LAMC1: variants seen among roughly 807,000 people sequenced by gnomAD.
The protein encoded by LAMC1 is laminin subunit gamma 1, also known as laminin subunit gamma-1.
Under a neutral mutation model 173.6 loss-of-function variants are expected in LAMC1, and 38 were observed. The ratio of observed to expected loss-of-function variants is 0.22; its 90% confidence interval spans 0.17 to 0.29. The LOEUF is 0.29. LAMC1 is among the 10% of genes least tolerant of loss of function. LAMC1 has a pLI of 1.00. For synonymous variants in LAMC1, 746 were observed against 749.1 expected (o/e 1.00, Z 0.07); for missense variants, 1,824 against 2,051.8 (o/e 0.89, Z 2.14).
At chr1:183,037,683 T>C (rs984635443) in intron 1 of LAMC1, among the ~76,000 whole-genome samples, 1 of 152,186 alleles carries the variant, frequency 6.6e-6, no homozygotes, top group Non-Finnish European at 1.5e-5. Context: ...CCTTTTCTCT[T>C]TAGTTTCCCC....
chr1:183,054,988 CTTTTTTTT>C (rs34723564), intron 1 of LAMC1, among the ~76,000 whole-genome samples: 1 of 130,804 alleles, frequency 7.6e-6, no homozygotes, highest in Non-Finnish European at 1.6e-5. Context: ...CTTTGTGCAT[CTTTTTTTT>C]TTTTTTTTTG....
chr1:183,065,137 A>G (rs1654845186), intron 1 of LAMC1, among the ~76,000 whole-genome samples: 1 of 152,112 alleles, frequency 6.6e-6, no homozygotes, highest in Admixed American at 6.5e-5. Flanking sequence ...GACCTGCTGT[A>G]TTTGTGTATC....
intron 1 of LAMC1, among the ~76,000 whole-genome samples, chr1:183,044,525 G>C (rs1178106542): frequency 1.3e-5 from 2 of 152,056 alleles, no homozygotes; most frequent in Non-Finnish European, 2.9e-5. Context: ...CTCTTTTGAT[G>C]AATCAGAAGA....
chr1:183,097,477 A>C (rs1395617660), intron 1 of LAMC1, among the ~76,000 whole-genome samples: 3 of 152,172 alleles, frequency 2.0e-5, no homozygotes, highest in Non-Finnish European at 4.4e-5. Flanking sequence ...ATTTTGTAAA[A>C]TTCTATATGG....
chr1:183,102,614 CTG>C (rs1655863823), intron 1 of LAMC1, among the ~76,000 whole-genome samples: 1 of 152,256 alleles, frequency 6.6e-6, no homozygotes, highest in African/African-American at 2.4e-5. Context: ...CCAGTGACTG[CTG>C]TCTTTTCCTC....
intron 1 of LAMC1, among the ~76,000 whole-genome samples, chr1:183,064,871 G>A (rs1339195728): frequency 6.6e-6 from 1 of 152,158 alleles, no homozygotes; most frequent in East Asian, 1.9e-4. Context: ...TATCCCAGCA[G>A]CTCAGGAACC....
chr1:183,093,980 G>C (rs936698562), intron 1 of LAMC1, among the ~76,000 whole-genome samples: 1 of 152,142 alleles, frequency 6.6e-6, no homozygotes, highest in Non-Finnish European at 1.5e-5. Context: ...ATGCTAGTTA[G>C]AGCCTGTTAC....
intron 1 of LAMC1, among the ~76,000 whole-genome samples, chr1:183,073,291 G>A (rs1282756099): frequency 6.6e-6 from 1 of 152,180 alleles, no homozygotes; most frequent in Non-Finnish European, 1.5e-5. Context: ...AACAAAATAG[G>A]TAGGGATTTC....
intron 1 of LAMC1, among the ~76,000 whole-genome samples, chr1:183,077,092 T>G (rs1302898833): frequency 6.6e-6 from 1 of 152,208 alleles, no homozygotes; most frequent in Non-Finnish European, 1.5e-5. Context: ...TGTGGGTTGC[T>G]TTTGTCTAAT....
intron 1 of LAMC1, among the ~76,000 whole-genome samples, chr1:183,078,406 C>T (rs1312323200): frequency 2.6e-5 from 4 of 151,612 alleles, no homozygotes; most frequent in Admixed American, 1.3e-4. Context: ...ACGGTGAAAC[C>T]TCGTCTCTAC....
intron 4 of LAMC1, among the ~76,000 whole-genome samples, chr1:183,111,507 A>G (rs1235815571): frequency 2.6e-5 from 4 of 152,170 alleles, no homozygotes; most frequent in Non-Finnish European, 1.5e-5. Context: ...AGGTCCTAGT[A>G]TTCCTAGAAA....
chr1:183,042,847 T>G (rs577012553), intron 1 of LAMC1, among the ~76,000 whole-genome samples: 1 of 152,332 alleles, frequency 6.6e-6, no homozygotes, highest in Admixed American at 6.5e-5. Flanking sequence ...CTTCTTGGTG[T>G]TGTGTACTTA....
chr1:183,112,698 G>C (rs1041083004), intron 4 of LAMC1, among the ~76,000 whole-genome samples: 1 of 152,148 alleles, frequency 6.6e-6, no homozygotes, highest in African/African-American at 2.4e-5. Flanking sequence ...CTTCAGGTGG[G>C]TTGGGCTTGG....
chr1:183,087,706 C>T (rs931915802), intron 1 of LAMC1, among the ~76,000 whole-genome samples: 4 of 152,074 alleles, frequency 2.6e-5, no homozygotes, highest in Admixed American at 2.0e-4. Context: ...CCTCTAAGAT[C>T]CCAATAGAGG....
At chr1:183,036,764 CTTTTTTTGTTTTGTT>C (rs1462836825) in intron 1 of LAMC1, among the ~76,000 whole-genome samples, 39 of 151,882 alleles carry the variant, frequency 2.6e-4, no homozygotes, top group South Asian at 1.9e-3. Context: ...GGATTGTTTT[CTTTTTTTGTTTTGTT>C]TTGTTTTGTT....
At chr1:183,055,395 G>A (rs1654560309) in intron 1 of LAMC1, among the ~76,000 whole-genome samples, 1 of 151,982 alleles carries the variant, frequency 6.6e-6, no homozygotes, top group Non-Finnish European at 1.5e-5. Context: ...TACCTGCTTA[G>A]GGTGACTAAT....
intron 4 of LAMC1, 129 bp downstream of exon 4, chr1:183,110,783 G>T (rs569538334): frequency 5.3e-6 from 5 of 946,548 alleles, no homozygotes; most frequent in Non-Finnish European, 8.0e-6. Flanking sequence ...TGTGTAATTT[G>T]AGTAGTATTC....
At chr1:183,064,803 A>G (rs1654832469) in intron 1 of LAMC1, among the ~76,000 whole-genome samples, 1 of 152,214 alleles carries the variant, frequency 6.6e-6, no homozygotes, top group African/African-American at 2.4e-5. Context: ...TGTAGTTGAC[A>G]ATAATTTGTA....
intron 1 of LAMC1, among the ~76,000 whole-genome samples, chr1:183,102,755 CTTTCT>C (rs1219990795): frequency 6.6e-6 from 1 of 151,986 alleles, no homozygotes; most frequent in Non-Finnish European, 1.5e-5. Flanking sequence ...TTTTTTTCCT[CTTTCT>C]TATTCTACTC....
Sources: allele counts gnomAD v4.1 joint callset (sites outside exome capture counted in the v4.1 genomes callset), GRCh38; gene constraint gnomAD v4.1.1; transcripts MANE v1.5; gene names NCBI Gene and HGNC (gene_info 2026-07-23, HGNC 2026-07-21).